Variants in WDR26 observed in about 807,000 individuals in gnomAD.
WDR26 encodes the protein WD repeat-containing protein 26.
Under a neutral mutation model 84.1 loss-of-function variants are expected in WDR26, and 5 were observed. That is an observed-to-expected ratio of 0.06 (90% confidence interval 0.03 to 0.13). The LOEUF (loss-of-function observed/expected upper bound fraction) is 0.13, where lower values mean the gene tolerates loss of function less well. Among genes scored for constraint, WDR26 ranks in the 10% least tolerant of loss-of-function variants. The pLI is 1.00. For synonymous variants in WDR26, 415 were observed against 389.6 expected, an observed-to-expected ratio of 1.07 and a Z score of -0.77; for missense variants, 642 against 974.9, an observed-to-expected ratio of 0.66 and a Z score of 4.55.
At chr1:224,416,630 G>A (rs1673912072) in intron 6 of WDR26, among the ~76,000 whole-genome samples, 1 of 152,234 alleles carries the variant, frequency 6.6e-6, no homozygotes, top group South Asian at 2.1e-4. Flanking sequence ...AGGTACTGAT[G>A]TAGATGTTAA....
At chr1:224,416,186 G>C (rs983289569) in intron 6 of WDR26, among the ~76,000 whole-genome samples, 3 of 151,948 alleles carry the variant, frequency 2.0e-5, no homozygotes, top group African/African-American at 7.2e-5. Flanking sequence ...AGAAGAAAAA[G>C]GATGCTTTCA....
In WDR26 at chr1:224,433,927, A is replaced by C; in HGVS notation, c.479T>G (p.Leu160Arg). The C allele has an allele frequency of 1.3e-6, 2 of 1,536,084 alleles. No homozygotes were observed. Among genetic ancestry groups the C allele is most frequent in the Non-Finnish European group, 1.7e-6 (2 of 1,146,492 alleles). Residue 160 changes from leucine (L) to arginine (R), a missense_variant, in exon 1 of 14, where the codon CTG (leucine) becomes CGG (arginine). Coordinates refer to ENST00000414423, the MANE Select transcript of WDR26 (RefSeq NM_001379403.1). ...GCTGGCGGCGGAGGGGGCGGAAGGC[A>C]GGAGCCCATTGGCGTGGGCCAGGTC...
intron 4 of WDR26, among the ~76,000 whole-genome samples, chr1:224,421,505 G>C (rs1278571442): frequency 6.6e-6 from 1 of 152,134 alleles, no homozygotes; most frequent in Non-Finnish European, 1.5e-5. Context: ...CAGGAGAATT[G>C]CTTGAACCCA....
intron 8 of WDR26, among the ~76,000 whole-genome samples, chr1:224,401,690 G>A (rs1972382): frequency 0.34 from 27,793 of 82,502 alleles, 3,411 homozygotes; most frequent in African/African-American, 0.45. Context: ...AAAAAAAAAA[G>A]AAAAAAAAAA....
At chr1:224,414,259 C>T (rs969390923) in intron 6 of WDR26, among the ~76,000 whole-genome samples, 2 of 151,854 alleles carry the variant, frequency 1.3e-5, no homozygotes, top group Non-Finnish European at 2.9e-5. Context: ...GCACCCACCA[C>T]CACACCCGGC....
intron 7 of WDR26, among the ~76,000 whole-genome samples, chr1:224,405,573 A>G (rs1283936688): frequency 1.3e-5 from 2 of 152,260 alleles, no homozygotes; most frequent in Non-Finnish European, 2.9e-5. Context: ...CACTACTAGC[A>G]CTATTCATAA....
intron 9 of WDR26, among the ~76,000 whole-genome samples, chr1:224,399,730 T>C (rs980035612): frequency 6.6e-6 from 1 of 152,200 alleles, no homozygotes; most frequent in African/African-American, 2.4e-5. Flanking sequence ...CCAAAATCCA[T>C]GTGTTCCAAA....
In WDR26 at chr1:224,419,489, A is replaced by G. The variant is rs996571847; in HGVS notation, c.1162+29T>C. 2.0e-6 allele frequency: 3 copies of G among 1,530,418 alleles called. No individual in the cohort carries two copies. The African/African-American group carries it at 4.1e-5, about 21-fold the overall frequency. 94.8% of individuals were successfully genotyped at this position (1,530,418 alleles called of 1,614,324 possible). On this transcript the variant is annotated intron_variant, in intron 5 of 13. Transcript: ENST00000414423. Reference sequence around the variant, plus strand: ...ATCCATTTGTAATCTAAGAGAAAACACAGCAACATAAAAAATTAAGACTCT... The same window carrying G: ...ATCCATTTGTAATCTAAGAGAAAACGCAGCAACATAAAAAATTAAGACTCT...
At chr1:224,427,103 C>CAAAAAAAAAAAAAAAAAAAAAAAAAA (rs769063024) in intron 3 of WDR26, among the ~76,000 whole-genome samples, 2 of 91,168 alleles carry the variant, frequency 2.2e-5, no homozygotes, top group African/African-American at 8.7e-5. Context: ...AACTCTGTCT[C>CAAAAAAAAAAAAAAAAAAAAAAAAAA]CAAAAAAAAA....
rs936770305 is a variant in WDR26 at position 224,406,965 on chromosome 1, T to C, written c.1459-2395A>G. On this transcript the variant is annotated intron_variant, in intron 7 of 13. Transcript: ENST00000414423. ...GGTGAAACCCTGTCTCTACTAAAAA[T>C]ACAAAAATTAGCCGGGTGTGGTGGT... is the stretch of plus-strand genomic sequence containing the variant. Among the ~76,000 whole-genome samples, 5 of 149,672 alleles carry C rather than the reference T, an allele frequency of 3.3e-5. No individual in the cohort carries two copies. The East Asian group carries it at 9.8e-4, about 29-fold the overall frequency.
Position 224,434,703 on chromosome 1 carries a change from G to GGCGGGCGGCAGCGGAGGCAGCT in WDR26, c.-320_-299dup, listed in dbSNP as rs1674560226. ...CGGCAGTGGCTGCGGCGGCGGCGGC[G>GGCGGGCGGCAGCGGAGGCAGCT]GCGGGCGGCAGCGGAGGCAGCTGCC... On this transcript the variant is annotated 5_prime_UTR_variant, in exon 1 of 14. Coordinates refer to ENST00000414423, the MANE Select transcript of WDR26 (RefSeq NM_001379403.1). The GGCGGGCGGCAGCGGAGGCAGCT allele has an allele frequency of 2.1e-6, 2 of 953,876 alleles. No individual in the cohort carries two copies. The highest frequency in any genetic ancestry group is 2.3e-4 in the East Asian group (2 of 8,636). 59.1% of individuals were successfully genotyped at this position (953,876 alleles called of 1,614,324 possible).
Position 224,434,611 on chromosome 1 carries a change from G to T in WDR26, c.-206C>A. 1 of 539,050 alleles carries T rather than the reference G, an allele frequency of 1.9e-6. No homozygotes were observed. The highest frequency in any genetic ancestry group is 2.4e-6 in the Non-Finnish European group (1 of 425,408). The allele number at this position is 539,050 out of a possible 1,614,324, so 33.4% of individuals were successfully genotyped here. A position where few individuals can be genotyped will look rare whatever the true frequency, so the allele number is the denominator to read the frequency against. On this transcript the variant is annotated 5_prime_UTR_variant, in exon 1 of 14. Coordinates refer to ENST00000414423, the MANE Select transcript of WDR26 (RefSeq NM_001379403.1). ...GGAGGCAGCTCGGGGTGCGCGGCCC[G>T]GGGGTCGCGCCGGGGGGCGCCGCGG...
chr1:224,413,202 C>CA (rs752232117), intron 6 of WDR26: 10,328 of 711,626 alleles, frequency 0.015, 255 homozygotes, highest in Admixed American at 0.017. Context: ...ACAACAACAA[C>CA]AAAAACCCCC....
chr1:224,423,659 G>A (rs1468777906), intron 4 of WDR26, among the ~76,000 whole-genome samples: 1 of 152,218 alleles, frequency 6.6e-6, no homozygotes, highest in African/African-American at 2.4e-5. Context: ...GAGGCAGGAG[G>A]ATGGCTTGAG....
At position 224,419,532 on chromosome 1, in the gene WDR26, A is replaced by G; in HGVS notation, c.1148T>C (p.Leu383Ser). ...AAGACTCTTACTCTGAAGTTTATCC[A>G]ATAGTTTAGATCGGGAAGCTGTCCC... Residue 383 changes from leucine to serine, a missense_variant, in exon 5 of 14, where the codon TTG (leucine) becomes TCG (serine). Coordinates refer to ENST00000414423, the MANE Select transcript of WDR26 (RefSeq NM_001379403.1). 1 of 1,613,874 alleles carries G rather than the reference A, an allele frequency of 6.2e-7. No homozygotes were observed. Among genetic ancestry groups the G allele is most frequent in the Non-Finnish European group, 8.5e-7 (1 of 1,179,780 alleles).
intron 7 of WDR26, among the ~76,000 whole-genome samples, chr1:224,405,737 T>C (rs1673531347): frequency 6.6e-6 from 1 of 152,226 alleles, no homozygotes; most frequent in African/African-American, 2.4e-5. Context: ...CCATATTGTA[T>C]GCTATGCAAG....
At chr1:224,393,057 T>TATC (rs1343805832) in intron 13 of WDR26, among the ~76,000 whole-genome samples, 3 of 152,244 alleles carry the variant, frequency 2.0e-5, no homozygotes, top group Non-Finnish European at 4.4e-5. Context: ...AGTACTGATA[T>TATC]ATCATGTTCA....
intron 3 of WDR26, chr1:224,430,572 A>T (rs908101533): frequency 4.6e-5 from 7 of 152,182 alleles, no homozygotes; most frequent in Non-Finnish European, 5.9e-5. Flanking sequence ...ACTCAATTTT[A>T]AAAAAATCAA....
intron 3 of WDR26, among the ~76,000 whole-genome samples, chr1:224,425,163 CAGG>C (rs1364369420): frequency 6.6e-6 from 1 of 152,164 alleles, no homozygotes; most frequent in Admixed American, 6.5e-5. Flanking sequence ...TAGACACACT[CAGG>C]AGAAGGAGAA....
Sources: gnomAD v4.1 joint callset for allele counts (sites outside exome capture counted in the v4.1 genomes callset) on GRCh38, gnomAD v4.1.1 for gene constraint, MANE v1.5 for transcripts, NCBI Gene and HGNC (gene_info 2026-07-23, HGNC 2026-07-21) for gene names.